Variants in FILIP1 observed in about 807,000 individuals in gnomAD.
The protein encoded by FILIP1 is filamin-A-interacting protein 1.
A neutral mutation model predicts 102.1 loss-of-function variants in FILIP1; 61 were observed. The ratio of observed to expected loss-of-function variants is 0.60; its 90% confidence interval spans 0.49 to 0.74. FILIP1 has a LOEUF of 0.74. FILIP1 is among the 30% of genes least tolerant of loss of function. The pLI, the probability that FILIP1 is intolerant of heterozygous loss-of-function variation, is 0.00. For missense variants in FILIP1, 1,314 were observed against 1,441.2 expected (o/e 0.91, Z 1.43); for synonymous variants, 491 against 526.9 (o/e 0.93, Z 0.93).
At chr6:75,321,471 A>G (rs1294558682) in intron 4 of FILIP1, among the ~76,000 whole-genome samples, 1 of 152,184 alleles carries the variant, frequency 6.6e-6, no homozygotes, top group Non-Finnish European at 1.5e-5. Context: ...TTATTTCCAT[A>G]ATGGAGGTGA....
chr6:75,423,551 C>T (rs370658423), intron 1 of FILIP1, among the ~76,000 whole-genome samples: 46 of 152,208 alleles, frequency 3.0e-4, no homozygotes, highest in Non-Finnish European at 5.3e-4. Context: ...CCAGCGATAC[C>T]GTTACATCTG....
intron 1 of FILIP1, among the ~76,000 whole-genome samples, chr6:75,471,578 A>C (rs1306427477): frequency 6.6e-6 from 1 of 152,194 alleles, no homozygotes; most frequent in Non-Finnish European, 1.5e-5. Context: ...TATCTACCTC[A>C]GAGTCAACTA....
At chr6:75,373,622 T>C (rs1775649617) in intron 2 of FILIP1, among the ~76,000 whole-genome samples, 1 of 151,188 alleles carries the variant, frequency 6.6e-6, no homozygotes, top group Non-Finnish European at 1.5e-5. Flanking sequence ...TAAAAAAATT[T>C]AAGTATACAT....
At chr6:75,366,140 A>ATATT in intron 2 of FILIP1, 1 of 152,354 alleles carries the variant, frequency 6.6e-6, no homozygotes. Flanking sequence ...TTCCCACCTA[A>ATATT]TATTTATTAT....
At chr6:75,439,981 T>C (rs1241290409) in intron 1 of FILIP1, among the ~76,000 whole-genome samples, 1 of 152,248 alleles carries the variant, frequency 6.6e-6, no homozygotes, top group African/African-American at 2.4e-5. Context: ...TAAAAAAATA[T>C]GCATTTGCAT....
intron 1 of FILIP1, among the ~76,000 whole-genome samples, chr6:75,417,478 T>C (rs1777306311): frequency 6.6e-6 from 1 of 152,224 alleles, no homozygotes; most frequent in Admixed American, 6.5e-5. Context: ...ATAAATAATG[T>C]ACACTTTAAA....
chr6:75,358,497 G>A (rs563307461), intron 3 of FILIP1: 5 of 152,322 alleles, frequency 3.3e-5, no homozygotes, highest in African/African-American at 1.2e-4. Flanking sequence ...CATTGAGGAG[G>A]ACACTGTAAA....
At chr6:75,396,232 A>G (rs1776456083) in intron 2 of FILIP1, among the ~76,000 whole-genome samples, 1 of 151,632 alleles carries the variant, frequency 6.6e-6, no homozygotes, top group Non-Finnish European at 1.5e-5. Flanking sequence ...AGCAGTGGTG[A>G]GCCGGGGTCA....
chr6:75,335,781 A>G (rs1229399503), intron 4 of FILIP1, among the ~76,000 whole-genome samples: 1 of 152,212 alleles, frequency 6.6e-6, no homozygotes, highest in Non-Finnish European at 1.5e-5. Context: ...TTTATACTAC[A>G]TAAGTATAAG....
At chr6:75,461,174 G>A (rs1779013124) in intron 1 of FILIP1, among the ~76,000 whole-genome samples, 1 of 152,166 alleles carries the variant, frequency 6.6e-6, no homozygotes, top group Admixed American at 6.5e-5. Flanking sequence ...GCCCTACTAT[G>A]TGCTAGGCAT....
chr6:75,428,122 A>G (rs1018136908), intron 1 of FILIP1, among the ~76,000 whole-genome samples: 2 of 152,156 alleles, frequency 1.3e-5, no homozygotes, highest in African/African-American at 2.4e-5. Context: ...CCCTCTCAAC[A>G]TACTTAATTC....
chr6:75,355,663 A>G (rs1418804607), intron 3 of FILIP1, among the ~76,000 whole-genome samples: 1 of 152,134 alleles, frequency 6.6e-6, no homozygotes, highest in African/African-American at 2.4e-5. Flanking sequence ...TTGGCCTCCC[A>G]AAGTGCTGGG....
chr6:75,373,745 A>G (rs1466033546), intron 2 of FILIP1, among the ~76,000 whole-genome samples: 2 of 152,224 alleles, frequency 1.3e-5, no homozygotes, highest in African/African-American at 4.8e-5. Context: ...GCAGTGGCTC[A>G]GGCCTATAAT....
chr6:75,486,843 A>G (rs1262356070), intron 1 of FILIP1, among the ~76,000 whole-genome samples: 1 of 152,068 alleles, frequency 6.6e-6, no homozygotes, highest in African/African-American at 2.4e-5. Context: ...TATATAGTAA[A>G]TGTACTGCAT....
At chr6:75,442,133 C>T (rs1778281372) in intron 1 of FILIP1, among the ~76,000 whole-genome samples, 1 of 151,216 alleles carries the variant, frequency 6.6e-6, no homozygotes, top group African/African-American at 2.4e-5. Flanking sequence ...GGAGCAGAGG[C>T]GCTCCCCACA....
intron 4 of FILIP1, among the ~76,000 whole-genome samples, chr6:75,331,347 G>A (rs1774072665): frequency 6.6e-6 from 1 of 151,934 alleles, no homozygotes; most frequent in Non-Finnish European, 1.5e-5. Flanking sequence ...TCACTGAGAG[G>A]GAACTCTCTG....
At chr6:75,423,053 G>A (rs1777519389) in intron 1 of FILIP1, among the ~76,000 whole-genome samples, 1 of 152,116 alleles carries the variant, frequency 6.6e-6, no homozygotes, top group African/African-American at 2.4e-5. Flanking sequence ...TTTTGCAAAG[G>A]AGATAAGAGC....
chr6:75,344,499 T>C (rs768907416), intron 4 of FILIP1, among the ~76,000 whole-genome samples: 2 of 152,224 alleles, frequency 1.3e-5, no homozygotes, highest in African/African-American at 2.4e-5. Context: ...CCAACTAAAA[T>C]GGGGTCAGTT....
At chr6:75,320,785 C>T (rs1773626855) in intron 4 of FILIP1, among the ~76,000 whole-genome samples, 1 of 152,152 alleles carries the variant, frequency 6.6e-6, no homozygotes, top group Non-Finnish European at 1.5e-5. Context: ...AGAACGTGTC[C>T]ATTTTAATTG....
Sources: allele counts gnomAD v4.1 joint callset (sites outside exome capture counted in the v4.1 genomes callset), GRCh38; gene constraint gnomAD v4.1.1; transcripts MANE v1.5; gene names NCBI Gene and HGNC (gene_info 2026-07-23, HGNC 2026-07-21).